The following NME9 variants were observed in gnomAD, a reference collection of about 807,000 sequenced individuals.
The protein encoded by NME9 is NME/NM23 family member 9.
Under a neutral mutation model 44.4 loss-of-function variants are expected in NME9, and 48 were observed. The observed-to-expected ratio is 1.08, with a 90% CI of 0.86 to 1.37. The LOEUF is 1.37. Ranked by LOEUF, NME9 falls within the 40% of genes most tolerant of loss-of-function variation. NME9 has a pLI of 0.00. For missense variants in NME9, 325 were observed against 405.2 expected (o/e 0.80, Z 1.70); for synonymous variants, 139 against 147.1 (o/e 0.94, Z 0.40).
In NME9 at chr3:138,284,361, A is replaced by G. The variant is rs1420379127; in HGVS notation, c.745+19146T>C. The stretch of plus-strand genomic sequence containing the variant: ...TGTACCTTCAAGTGAAAAATTGCCC[A>G]AGCTCTTGAGACAGCTTGACTCTGG... On this transcript the variant is annotated intron_variant, in intron 8 of 8. Coordinates refer to the NME9 transcript ENST00000317876. 3.2e-6 allele frequency: 4 copies of G among 1,239,978 alleles called. No homozygotes were observed. The East Asian group carries it at 7.0e-5, about 22-fold the overall frequency. The allele number at this position is 1,239,978 out of a possible 1,614,324, so 76.8% of individuals were successfully genotyped here.
intron 8 of NME9, among the ~76,000 whole-genome samples, chr3:138,274,233 ATGTGTGTGTGTGTG>A (rs142329302): frequency 1.4e-5 from 2 of 142,268 alleles, no homozygotes; most frequent in African/African-American, 5.6e-5. Flanking sequence ...GTGTATATAC[ATGTGTGTGTGTGTG>A]TGTGTGTGTG....
chr3:138,267,354 G>T, intron 8 of NME9: 1 of 589,916 alleles, frequency 1.7e-6, no homozygotes, highest in South Asian at 2.6e-5. Context: ...AAACTACTTC[G>T]GAATTGTTTG....
intron 8 of NME9, among the ~76,000 whole-genome samples, chr3:138,280,459 A>G (rs1483677807): frequency 6.7e-6 from 1 of 148,252 alleles, no homozygotes; most frequent in African/African-American, 2.5e-5. Flanking sequence ...CTGGAATTAC[A>G]GGTGCCCACC....
chr3:138,305,499 A>G (rs1693160598), intron 8 of NME9, among the ~76,000 whole-genome samples: 1 of 152,094 alleles, frequency 6.6e-6, no homozygotes, highest in Admixed American at 6.5e-5. Context: ...CATTTGGTCC[A>G]AGTTTGACTG....
intron 8 of NME9, chr3:138,288,985 A>C (rs1015850957): frequency 1.2e-4 from 153 of 1,295,820 alleles, no homozygotes; most frequent in South Asian, 2.0e-4. Context: ...AGGTCCCCCC[A>C]AAAAAAAATC....
intron 8 of NME9, among the ~76,000 whole-genome samples, chr3:138,285,036 C>T (rs897607798): frequency 2.6e-5 from 4 of 152,238 alleles, no homozygotes; most frequent in African/African-American, 9.6e-5. Context: ...CATCTCCTGA[C>T]AAAATTCTAA....
intron 8 of NME9, chr3:138,263,467 A>G (rs908581448): frequency 1.3e-5 from 6 of 449,380 alleles, no homozygotes; most frequent in African/African-American, 1.2e-4. Context: ...TGCAGTACTT[A>G]TACCATTTAA....
intron 8 of NME9, chr3:138,264,188 T>C (rs780863631): frequency 6.2e-7 from 1 of 1,613,950 alleles, no homozygotes; most frequent in Non-Finnish European, 8.5e-7. Context: ...TCCAGGATCA[T>C]GCTGTTTGGA....
intron 6 of NME9, among the ~76,000 whole-genome samples, chr3:138,309,454 G>T (rs2052534821): frequency 6.6e-6 from 1 of 152,222 alleles, no homozygotes; most frequent in Non-Finnish European, 1.5e-5. Context: ...GGAGGCCAAG[G>T]CAAGTGGATC....
Position 138,318,308 on chromosome 3 carries a change from C to T in NME9, c.196-89G>A, listed in dbSNP as rs2053230919. ...GGGAAACCACACAGGGAACTGAACACCCCCAGGACTGACTTCCCCAGGTAG... is the reference window on the plus strand; with the variant it reads ...GGGAAACCACACAGGGAACTGAACATCCCCAGGACTGACTTCCCCAGGTAG... On this transcript the variant is annotated intron_variant, in intron 3 of 10. Coordinates refer to ENST00000333911, the MANE Select transcript of NME9 (RefSeq NM_001349018.2). The T allele has an allele frequency of 9.5e-6, 8 of 846,030 alleles. No individual in the cohort carries two copies. The South Asian group carries it at 1.1e-4, about 11-fold the overall frequency. 52.4% of individuals were successfully genotyped at this position (846,030 alleles called of 1,614,324 possible).
At chr3:138,264,648 G>C (rs2048096934) in intron 8 of NME9, among the ~76,000 whole-genome samples, 1 of 151,584 alleles carries the variant, frequency 6.6e-6, no homozygotes, top group Admixed American at 6.6e-5. Context: ...TTGAACTCCT[G>C]ACCACGTGAT....
At chr3:138,317,762 A>G (rs1425658521) in intron 4 of NME9, among the ~76,000 whole-genome samples, 1 of 152,226 alleles carries the variant, frequency 6.6e-6, no homozygotes, top group Non-Finnish European at 1.5e-5. Context: ...CTCAGTCTAG[A>G]GTATTCATGA....
At chr3:138,314,645 A>G (rs942276012) in intron 5 of NME9, among the ~76,000 whole-genome samples, 3 of 152,230 alleles carry the variant, frequency 2.0e-5, no homozygotes, top group Non-Finnish European at 4.4e-5. Flanking sequence ...GCCTCTTTTC[A>G]TAAGCATTAA....
At chr3:138,319,036 A>G (rs1487099016) in intron 3 of NME9, among the ~76,000 whole-genome samples, 1 of 152,104 alleles carries the variant, frequency 6.6e-6, no homozygotes, top group Non-Finnish European at 1.5e-5. Context: ...TGTCTCTACA[A>G]AAAGTTAAAA....
chr3:138,262,597 T>G, intron 8 of NME9: 1 of 1,380,930 alleles, frequency 7.2e-7, no homozygotes, highest in Non-Finnish European at 9.7e-7. Flanking sequence ...CTGAGGAGAT[T>G]AAAAAAAAAA....
chr3:138,294,047 C>T (rs2051240479), intron 8 of NME9, among the ~76,000 whole-genome samples: 1 of 152,092 alleles, frequency 6.6e-6, no homozygotes, highest in African/African-American at 2.4e-5. Flanking sequence ...AGTAGAAAGA[C>T]AATAAAGGTA....
At chr3:138,304,769 G>C (rs2052109903) in intron 9 of NME9, 104 bp downstream of exon 9, 19 of 1,103,100 alleles carry the variant, frequency 1.7e-5, no homozygotes, top group Non-Finnish European at 2.3e-5. Flanking sequence ...CCATCAGAGA[G>C]TCCTCTGTGT....
intron 8 of NME9, among the ~76,000 whole-genome samples, chr3:138,272,513 T>G (rs2048891302): frequency 2.0e-5 from 3 of 152,242 alleles, no homozygotes; most frequent in Non-Finnish European, 4.4e-5. Flanking sequence ...TATAGGTGAT[T>G]AACAAGAATC....
chr3:138,303,265 C>T lies in NME9; in HGVS notation c.928+242G>A. 2 of 400,090 alleles carry T rather than the reference C, an allele frequency of 5.0e-6. 1 individual carries two copies. The highest frequency in any genetic ancestry group is 1.3e-4 in the South Asian group (2 of 15,032). 24.8% of individuals were successfully genotyped at this position (400,090 alleles called of 1,614,324 possible). A position where few individuals can be genotyped will look rare whatever the true frequency, so the allele number is the denominator to read the frequency against. ...TACTTTTTGTAACAAAAATATGACTCCAAGATAAGCAGCAAAAAATTTAAT... is the reference window on the plus strand; with the variant it reads ...TACTTTTTGTAACAAAAATATGACTTCAAGATAAGCAGCAAAAAATTTAAT... On this transcript the variant is annotated intron_variant, in intron 10 of 10. Transcript: ENST00000333911.
Sources: allele counts gnomAD v4.1 joint callset (sites outside exome capture counted in the v4.1 genomes callset), GRCh38; gene constraint gnomAD v4.1.1; transcripts MANE v1.5; gene names NCBI Gene and HGNC (gene_info 2026-07-23, HGNC 2026-07-21).